The following KIF5C variants were observed in gnomAD, a reference collection of about 807,000 sequenced individuals.
The protein encoded by KIF5C is kinesin heavy chain isoform 5C.
KIF5C carries 18 observed loss-of-function variants against 125.2 expected under a neutral mutation model. That is an observed-to-expected ratio of 0.14 (90% CI 0.10 to 0.21). KIF5C has a LOEUF of 0.21. Among genes scored for constraint, KIF5C ranks in the 10% least tolerant of loss-of-function variants. The pLI is 1.00. For synonymous variants in KIF5C, 405 were observed against 434.0 expected, an observed-to-expected ratio of 0.93 and a Z score of 0.83; for missense variants, 780 against 1,183.8, an observed-to-expected ratio of 0.66 and a Z score of 5.01.
intron 8 of KIF5C, among the ~76,000 whole-genome samples, chr2:148,948,751 A>T (rs1204133475): frequency 6.6e-6 from 1 of 152,178 alleles, no homozygotes; most frequent in Non-Finnish European, 1.5e-5. Flanking sequence ...CTGTCGAAGG[A>T]GGGTGATAGA....
intron 25 of KIF5C, among the ~76,000 whole-genome samples, chr2:149,021,435 A>T (rs1682532138): frequency 1.3e-5 from 2 of 150,744 alleles, no homozygotes; most frequent in African/African-American, 4.9e-5. Context: ...TCTGTTCCGT[A>T]TTTCTTCTCC....
intron 15 of KIF5C, among the ~76,000 whole-genome samples, chr2:148,988,202 T>C (rs954593461): frequency 5.9e-5 from 9 of 152,116 alleles, no homozygotes; most frequent in African/African-American, 1.9e-4. Flanking sequence ...TGGAAACTTT[T>C]GAACATGAAA....
chr2:148,894,461 C>T lies in KIF5C; in HGVS notation c.126+18718C>T, dbSNP rs146733775. Among the ~76,000 whole-genome samples the T allele has an allele frequency of 3.4e-4, 52 of 152,294 alleles. No homozygotes were observed. The East Asian group carries it at 8.9e-3, about 26-fold the overall frequency. ...AAGACATTAGTATAAATGGACCACACTTAAAATTCTATTGATAGTCCTCAG... is the reference window on the plus strand; with the variant it reads ...AAGACATTAGTATAAATGGACCACATTTAAAATTCTATTGATAGTCCTCAG... On this transcript the variant is annotated intron_variant, in intron 1 of 25. Transcript: ENST00000435030.
intron 15 of KIF5C, among the ~76,000 whole-genome samples, chr2:148,985,536 A>G (rs1325056403): frequency 6.6e-6 from 1 of 152,220 alleles, no homozygotes; most frequent in Non-Finnish European, 1.5e-5. Flanking sequence ...CTTTATAATA[A>G]TACAGCATCT....
At chr2:148,894,830 T>C (rs1681797055) in intron 1 of KIF5C, among the ~76,000 whole-genome samples, 1 of 151,278 alleles carries the variant, frequency 6.6e-6, no homozygotes, top group Non-Finnish European at 1.5e-5. Context: ...AAATATTATA[T>C]AAACATTTTA....
chr2:148,984,848 T>C (rs1681334094), intron 15 of KIF5C, among the ~76,000 whole-genome samples: 1 of 152,164 alleles, frequency 6.6e-6, no homozygotes, highest in Non-Finnish European at 1.5e-5. Flanking sequence ...TGGAGTGCAG[T>C]GGCGCAATCT....
intron 8 of KIF5C, among the ~76,000 whole-genome samples, chr2:148,948,111 G>C (rs908284665): frequency 6.6e-6 from 1 of 151,976 alleles, no homozygotes; most frequent in African/African-American, 2.4e-5. Context: ...ACTTTGGGAG[G>C]CCGAGGTGGG....
At chr2:148,920,133 G>A (rs1681724454) in intron 1 of KIF5C, among the ~76,000 whole-genome samples, 1 of 152,088 alleles carries the variant, frequency 6.6e-6, no homozygotes, top group Non-Finnish European at 1.5e-5. Flanking sequence ...AATTTAACAG[G>A]TCATTTTGTC....
chr2:148,888,167 C>A (rs1023931901), intron 1 of KIF5C: 2 of 152,222 alleles, frequency 1.3e-5, no homozygotes, highest in Non-Finnish European at 2.9e-5. Context: ...GAAGGGGCCC[C>A]CAGTCGCCGG....
chr2:148,879,260 C>T (rs1320892571), intron 1 of KIF5C: 3 of 152,174 alleles, frequency 2.0e-5, no homozygotes, highest in African/African-American at 7.2e-5. Flanking sequence ...CTTTATACTT[C>T]CCAGGGCTTT....
chr2:148,881,907 C>T (rs1251807245), intron 1 of KIF5C, among the ~76,000 whole-genome samples: 1 of 152,156 alleles, frequency 6.6e-6, no homozygotes, highest in African/African-American at 2.4e-5. Flanking sequence ...TTGCCTACTC[C>T]CTAATGGTTT....
chr2:148,885,336 G>A (rs749958621), intron 1 of KIF5C, among the ~76,000 whole-genome samples: 40 of 152,140 alleles, frequency 2.6e-4, no homozygotes, highest in Non-Finnish European at 5.4e-4. Context: ...GTGTGTCAGG[G>A]TCACCTGGAA....
intron 11 of KIF5C, among the ~76,000 whole-genome samples, chr2:148,971,625 G>T (rs113495096): frequency 0.021 from 3,136 of 152,296 alleles, 97 homozygotes; most frequent in African/African-American, 0.065. Flanking sequence ...AAAAAGGGTT[G>T]GCTCAATTTT....
At chr2:148,965,328 CAG>C (rs1041805591) in intron 11 of KIF5C, among the ~76,000 whole-genome samples, 7 of 152,064 alleles carry the variant, frequency 4.6e-5, no homozygotes, top group South Asian at 2.1e-4. Flanking sequence ...GAAGAGAAGA[CAG>C]AGAGAGTCTG....
intron 1 of KIF5C, among the ~76,000 whole-genome samples, chr2:148,895,558 G>T (rs890733124): frequency 1.3e-5 from 2 of 151,280 alleles, no homozygotes; most frequent in Admixed American, 6.6e-5. Flanking sequence ...GTATATATTT[G>T]TCTGTGACTT....
intron 11 of KIF5C, among the ~76,000 whole-genome samples, chr2:148,972,066 C>T (rs1370870628): frequency 6.6e-6 from 1 of 152,112 alleles, no homozygotes; most frequent in Non-Finnish European, 1.5e-5. Context: ...TCCCAAATAG[C>T]TGGGATTACA....
intron 11 of KIF5C, among the ~76,000 whole-genome samples, chr2:148,968,232 A>C (rs1394025421): frequency 6.6e-6 from 1 of 152,214 alleles, no homozygotes; most frequent in Non-Finnish European, 1.5e-5. Flanking sequence ...GAAGTCATGC[A>C]AAGAAATGAT....
chr2:148,937,408 C>T lies in KIF5C; in HGVS notation c.396+20C>T. ...ATAAAGGTACGTATTACTGATTGGTCCCCAGAGAAGACACTGGGCCCCAGA... is the reference window on the plus strand; with the variant it reads ...ATAAAGGTACGTATTACTGATTGGTTCCCAGAGAAGACACTGGGCCCCAGA... On this transcript the variant is annotated intron_variant, in intron 4 of 25. Transcript: ENST00000435030. 6.4e-7 allele frequency: 1 copy of T among 1,564,612 alleles called. No individual in the cohort carries two copies. Among genetic ancestry groups the T allele is most frequent in the South Asian group, 1.2e-5 (1 of 84,656 alleles).
chr2:149,020,649 C>T (rs372796180), intron 25 of KIF5C, among the ~76,000 whole-genome samples: 16 of 152,172 alleles, frequency 1.1e-4, no homozygotes, highest in African/African-American at 3.6e-4. Flanking sequence ...GCTGGCACCT[C>T]TCTGCCTCCA....
Sources: allele counts gnomAD v4.1 joint callset (sites outside exome capture counted in the v4.1 genomes callset), GRCh38; gene constraint gnomAD v4.1.1; transcripts MANE v1.5; gene names NCBI Gene and HGNC (gene_info 2026-07-23, HGNC 2026-07-21).